The following NDUFB1 variants were observed in gnomAD, a reference collection of about 807,000 sequenced individuals.
The protein encoded by NDUFB1 is NADH:ubiquinone oxidoreductase subunit B1, also known as NADH dehydrogenase [ubiquinone] 1 beta subcomplex subunit 1.
A neutral mutation model predicts 6.7 loss-of-function variants in NDUFB1; 6 were observed. The ratio of observed to expected loss-of-function variants is 0.89; its 90% CI spans 0.49 to 1.76. The LOEUF is 1.76. Among genes scored for constraint, NDUFB1 ranks in the 40% most tolerant of loss-of-function variants. The pLI, the probability that NDUFB1 is intolerant of heterozygous loss-of-function variation, is 0.01. For synonymous variants in NDUFB1, 17 were observed against 22.9 expected (o/e 0.74, Z 0.74); for missense variants, 56 against 71.0 (o/e 0.79, Z 0.76).
chr14:92,118,017 A>G, intron 1 of NDUFB1: 1 of 230,070 alleles, frequency 4.3e-6, no homozygotes, highest in South Asian at 5.9e-5. Flanking sequence ...AATAAATTGC[A>G]TCTGAAACAA....
At chr14:92,121,074 A>C (rs1476693800) in intron 1 of NDUFB1, 3 of 155,882 alleles carry the variant, frequency 1.9e-5, no homozygotes, top group Non-Finnish European at 2.8e-5. Context: ...AGACGGGAGA[A>C]TCGCTTGAAC....
chr14:92,117,680 TG>T (rs1178479947), intron 1 of NDUFB1, 38 bp from the exon 2 acceptor site: 5 of 1,594,086 alleles, frequency 3.1e-6, no homozygotes, highest in Admixed American at 3.4e-5. Context: ...ACAACTGCTT[TG>T]TTTTTTTTTT....
Position 92,118,030 on chromosome 14 carries a change from A to T in NDUFB1, c.-5-388T>A, listed in dbSNP as rs145197847. ...TAAATAAATTGCATCTGAAACAAGAAGATGATAGACATAGATGTAATAGAT... is the reference window on the plus strand; with the variant it reads ...TAAATAAATTGCATCTGAAACAAGATGATGATAGACATAGATGTAATAGAT... On this transcript the variant is annotated intron_variant, in intron 1 of 2. Coordinates refer to ENST00000605997, the MANE Select transcript of NDUFB1 (RefSeq NM_004545.4). The T allele has an allele frequency of 7.8e-3, 1,827 of 233,520 alleles. 15 individuals are homozygous for T. The highest frequency in any genetic ancestry group is 0.013 in the Non-Finnish European group (1,561 of 116,916). 14.5% of individuals were successfully genotyped at this position (233,520 alleles called of 1,614,324 possible). A position where few individuals can be genotyped will look rare whatever the true frequency, so the allele number is the denominator to read the frequency against.
intron 1 of NDUFB1, chr14:92,118,165 C>T (rs779184841): frequency 3.7e-5 from 6 of 163,450 alleles, no homozygotes; most frequent in Non-Finnish European, 6.7e-5. Context: ...TATAAAATTA[C>T]ACCACACTGG....
intron 1 of NDUFB1, chr14:92,118,952 G>T: frequency 5.3e-6 from 2 of 375,542 alleles, no homozygotes; most frequent in Non-Finnish European, 5.2e-6. Flanking sequence ...CCAGCCTGGG[G>T]GATACAGCGA....
chr14:92,121,279 C>G (rs1042775650), intron 1 of NDUFB1: 1 of 366,626 alleles, frequency 2.7e-6, no homozygotes, highest in African/African-American at 2.1e-5. Flanking sequence ...AAGGCTGGAA[C>G]TTGGACGAAT....
chr14:92,117,540 T>C lies in NDUFB1; in HGVS notation c.98A>G (p.Glu33Gly). Residue 33 changes from glutamate to glycine, a missense_variant, in exon 2 of 3, where the codon GAA becomes GGA. Physicochemically the swap from Glu to Gly is moderately conservative, Grantham distance 98. Transcript: ENST00000605997. ...IGCYLDRKSD[E>G]RLTAFRNKSM... ...CTTGTTCCGGAAGGCAGTTAGCCGT[T>C]CATCACTCTTTCTGTCTAAATAACA... 1 of 1,613,588 alleles carries C rather than the reference T, an allele frequency of 6.2e-7. No homozygotes were observed.
chr14:92,118,972 T>A, intron 1 of NDUFB1: 1 of 355,664 alleles, frequency 2.8e-6, no homozygotes, highest in Non-Finnish European at 5.3e-6. Flanking sequence ...AGTCTCTGTC[T>A]CAGAAAAAAA....
At position 92,116,361 on chromosome 14, in the gene NDUFB1, T is replaced by C; in HGVS notation, c.141-132A>G. ...TTTTTTTTTTTTTTTTGAGACGAAG[T>C]CTGGCTTTGTAGCCCAGGCTGGAGT... On this transcript the variant is annotated intron_variant, in intron 2 of 2. Coordinates refer to ENST00000605997, the MANE Select transcript of NDUFB1 (RefSeq NM_004545.4). The C allele has an allele frequency of 3.9e-6, 3 of 766,466 alleles. No individual in the cohort carries two copies. The East Asian group carries it at 8.8e-5, about 23-fold the overall frequency. The allele number at this position is 766,466 out of a possible 1,614,324, so 47.5% of individuals were successfully genotyped here.
rs146811889 is a variant in NDUFB1, at chr14:92,118,842, C to T, written c.-5-1200G>A. ...TACAAAAATTAGGTGGGCGTAGTGG[C>T]ACATGCCTGTAGTCCCAGTTACTCA... On this transcript the variant is annotated intron_variant, in intron 1 of 2. Transcript: ENST00000605997. 1,008 of 199,562 alleles carry T rather than the reference C, an allele frequency of 5.1e-3. 2 individuals carry two copies. The highest frequency in any genetic ancestry group is 0.013 in the Middle Eastern group (9 of 720). 12.4% of individuals were successfully genotyped at this position (199,562 alleles called of 1,614,324 possible).
intron 1 of NDUFB1, among the ~76,000 whole-genome samples, chr14:92,119,685 G>A (rs559966251): frequency 3.3e-5 from 5 of 152,236 alleles, no homozygotes; most frequent in African/African-American, 1.2e-4. Flanking sequence ...CTATCTTGGG[G>A]ATAGGACCGA....
At chr14:92,119,943 T>C in intron 1 of NDUFB1, among the ~76,000 whole-genome samples, 1 of 152,092 alleles carries the variant, frequency 6.6e-6, no homozygotes, top group East Asian at 1.9e-4. Flanking sequence ...TTTTTTTTTG[T>C]AGAGACAAGA....
At position 92,121,160 on chromosome 14, in the gene NDUFB1, C is replaced by A. The variant is rs145360994; in HGVS notation, c.-6+482G>T. Reference sequence around the variant, plus strand: ...CTGGGTGACAAGAGTGAATCTCTGTCTCAAAAATAAAAAAGCAAAGTAAAA... The same window carrying A: ...CTGGGTGACAAGAGTGAATCTCTGTATCAAAAATAAAAAAGCAAAGTAAAA... On this transcript the variant is annotated intron_variant, in intron 1 of 2. Coordinates refer to ENST00000605997, the MANE Select transcript of NDUFB1 (RefSeq NM_004545.4). The A allele has an allele frequency of 4.4e-4, 75 of 171,104 alleles. 1 individual carries two copies. The East Asian group carries it at 0.011, about 26-fold the overall frequency. The allele number at this position is 171,104 out of a possible 1,614,324, so 10.6% of individuals were successfully genotyped here. A position where few individuals can be genotyped will look rare whatever the true frequency, so the allele number is the denominator to read the frequency against.
At position 92,117,586 on chromosome 14, in the gene NDUFB1, G is replaced by A; in HGVS notation, c.52C>T (p.Pro18Ser). ...TAACATCCAATGACAAATCCCATAG[G>A]GACAAGAACATGAACCCAGTGGTCC... ...VRDHWVHVLV[P>S]MGFVIGCYLD... The change falls in exon 2 of 3, where the codon CCT (proline) becomes TCT (serine). Residue 18 changes from proline to serine, a missense_variant. Pro to Ser is a moderately conservative substitution (Grantham distance 74). Coordinates refer to ENST00000605997, the MANE Select transcript of NDUFB1 (RefSeq NM_004545.4). 2 of 1,613,694 alleles carry A rather than the reference G, an allele frequency of 1.2e-6. No homozygotes were observed. Among genetic ancestry groups the A allele is most frequent in the East Asian group, 4.5e-5 (2 of 44,876 alleles).
intron 1 of NDUFB1, chr14:92,119,017 T>G: frequency 5.9e-6 from 2 of 341,484 alleles, no homozygotes; most frequent in Non-Finnish European, 1.1e-5. Flanking sequence ...AGAAGAAAAT[T>G]TACTTTTATA....
At chr14:92,116,967 C>G (rs1281084551) in intron 2 of NDUFB1, among the ~76,000 whole-genome samples, 1 of 152,228 alleles carries the variant, frequency 6.6e-6, no homozygotes, top group African/African-American at 2.4e-5. Flanking sequence ...TGTATGCCCA[C>G]TGGCAGGCAT....
At chr14:92,116,326 A>ATTTTT in intron 2 of NDUFB1, 97 bp from the exon 3 acceptor site, 20 of 697,886 alleles carry the variant, frequency 2.9e-5, no homozygotes, top group South Asian at 9.0e-5. Flanking sequence ...GCAATATTTC[A>ATTTTT]TTTTCTTTTT....
intron 1 of NDUFB1, chr14:92,121,206 C>T (rs1434216990): frequency 4.5e-6 from 1 of 222,120 alleles, no homozygotes; most frequent in Non-Finnish European, 9.0e-6. Flanking sequence ...ATCATTTAGG[C>T]GCAACGGTGT....
At chr14:92,121,596 C>T (rs1413709239) in intron 1 of NDUFB1, 46 bp downstream of exon 1, 3 of 1,610,676 alleles carry the variant, frequency 1.9e-6, no homozygotes, top group Non-Finnish European at 2.5e-6. Context: ...CCGCCACCGT[C>T]GCCGTGATCC....
Sources: gnomAD v4.1 joint callset for allele counts (sites outside exome capture counted in the v4.1 genomes callset) on GRCh38, gnomAD v4.1.1 for gene constraint, MANE v1.5 for transcripts, NCBI Gene and HGNC (gene_info 2026-07-23, HGNC 2026-07-21) for gene names.